SEC22A: variants seen among roughly 807,000 people sequenced by gnomAD.
SEC22A encodes SEC22 homolog A, vesicle trafficking protein.
SEC22A carries 22 observed loss-of-function variants against 35.3 expected under a neutral mutation model. The ratio of observed to expected loss-of-function variants is 0.62; its 90% CI spans 0.45 to 0.89. SEC22A has a LOEUF of 0.89. SEC22A is among the 40% of genes least tolerant of loss of function. The probability of loss-of-function intolerance (pLI) is 0.00; values close to 1 mark genes in which losing one functional copy is unlikely to be tolerated. For synonymous variants in SEC22A, 119 were observed against 129.5 expected, an observed-to-expected ratio of 0.92 and a Z score of 0.55; for missense variants, 354 against 362.5, an observed-to-expected ratio of 0.98 and a Z score of 0.19.
At chr3:123,241,489 G>A (rs769111102) in intron 4 of SEC22A, among the ~76,000 whole-genome samples, 6 of 152,070 alleles carry the variant, frequency 3.9e-5, no homozygotes, top group Non-Finnish European at 7.4e-5. Context: ...ATCGTCATAA[G>A]GACTATTCTG....
At chr3:123,265,769 G>T (rs986992936) in intron 6 of SEC22A, among the ~76,000 whole-genome samples, 1 of 152,024 alleles carries the variant, frequency 6.6e-6, no homozygotes, top group African/African-American at 2.4e-5. Context: ...TGTCTATATT[G>T]CTCCAGCACC....
At chr3:123,203,161 G>A (rs987775908) in intron 1 of SEC22A, among the ~76,000 whole-genome samples, 2 of 144,626 alleles carry the variant, frequency 1.4e-5, no homozygotes, top group Non-Finnish European at 3.0e-5. Context: ...TCACAGGGGT[G>A]CCTGTGACCT....
intron 5 of SEC22A, among the ~76,000 whole-genome samples, chr3:123,255,773 G>A (rs569692301): frequency 3.9e-5 from 6 of 152,058 alleles, no homozygotes; most frequent in East Asian, 1.9e-4. Flanking sequence ...TTTAGTGGCC[G>A]CATGACTTTT....
chr3:123,233,711 G>A (rs1937362219), intron 4 of SEC22A, among the ~76,000 whole-genome samples: 2 of 151,442 alleles, frequency 1.3e-5, no homozygotes, highest in Non-Finnish European at 1.5e-5. Context: ...CTTGATAAAA[G>A]TCCCTTATGG....
intron 5 of SEC22A, among the ~76,000 whole-genome samples, chr3:123,256,322 A>G (rs1257667802): frequency 3.9e-5 from 6 of 152,262 alleles, no homozygotes; most frequent in Admixed American, 6.5e-5. Flanking sequence ...ATGTCCCACT[A>G]GCAGCTCTAG....
intron 5 of SEC22A, among the ~76,000 whole-genome samples, chr3:123,254,750 A>G (rs1007877641): frequency 2.0e-5 from 3 of 151,322 alleles, no homozygotes; most frequent in African/African-American, 7.3e-5. Flanking sequence ...TTTTTTTATT[A>G]TACTTCAAGT....
intron 2 of SEC22A, among the ~76,000 whole-genome samples, chr3:123,221,971 C>T (rs1937131197): frequency 6.6e-6 from 1 of 151,992 alleles, no homozygotes; most frequent in Non-Finnish European, 1.5e-5. Flanking sequence ...TTCATAACTA[C>T]TTCAGAGTAT....
chr3:123,249,205 G>T (rs1420349066), intron 5 of SEC22A, among the ~76,000 whole-genome samples: 1 of 152,178 alleles, frequency 6.6e-6, no homozygotes, highest in African/African-American at 2.4e-5. Flanking sequence ...CATGGAGTTG[G>T]AGTTTGTCAC....
intron 1 of SEC22A, chr3:123,204,885 C>T (rs960923086): frequency 1.3e-5 from 2 of 152,156 alleles, no homozygotes; most frequent in Non-Finnish European, 2.9e-5. Flanking sequence ...CTAAATCTTC[C>T]CATGCAATTG....
chr3:123,235,125 TCAAA>T (rs1304503574), intron 4 of SEC22A, among the ~76,000 whole-genome samples: 1 of 152,066 alleles, frequency 6.6e-6, no homozygotes, highest in Non-Finnish European at 1.5e-5. Context: ...ACTCGTCGGC[TCAAA>T]CAATCCTCCC....
At chr3:123,217,335 C>G (rs1208321271) in intron 2 of SEC22A, among the ~76,000 whole-genome samples, 1 of 151,828 alleles carries the variant, frequency 6.6e-6, no homozygotes, top group East Asian at 1.9e-4. Context: ...GTGGCTGGGA[C>G]TACAGGTGCC....
At chr3:123,234,037 T>C (rs1035186347) in intron 4 of SEC22A, among the ~76,000 whole-genome samples, 6 of 152,190 alleles carry the variant, frequency 3.9e-5, no homozygotes, top group Non-Finnish European at 8.8e-5. Flanking sequence ...TAAAAAACAA[T>C]TGTATTCTAT....
intron 6 of SEC22A, among the ~76,000 whole-genome samples, chr3:123,269,887 C>T (rs1019356590): frequency 2.6e-5 from 4 of 151,960 alleles, no homozygotes; most frequent in African/African-American, 9.7e-5. Context: ...CTGCCTGGGC[C>T]TCCCAAAGTG....
chr3:123,259,291 T>C (rs1306244607), intron 5 of SEC22A, among the ~76,000 whole-genome samples: 1 of 152,192 alleles, frequency 6.6e-6, no homozygotes, highest in Non-Finnish European at 1.5e-5. Context: ...TTGAGTGGAA[T>C]GAAATTGATG....
intron 4 of SEC22A, among the ~76,000 whole-genome samples, chr3:123,236,010 C>T (rs1351295683): frequency 6.6e-6 from 1 of 152,028 alleles, no homozygotes; most frequent in Non-Finnish European, 1.5e-5. Context: ...TCCAGAGAGA[C>T]AGGAAGTAGA....
chr3:123,219,856 T>A (rs145560244), intron 2 of SEC22A, among the ~76,000 whole-genome samples: 200 of 152,286 alleles, frequency 1.3e-3, no homozygotes, highest in African/African-American at 4.6e-3. Context: ...TTTCAATCTG[T>A]CCCATGATTG....
intron 6 of SEC22A, among the ~76,000 whole-genome samples, chr3:123,265,597 G>A (rs1388429150): frequency 1.4e-5 from 2 of 144,524 alleles, no homozygotes; most frequent in African/African-American, 5.1e-5. Flanking sequence ...TATGGGTCAT[G>A]CTTGTGGTGG....
At position 123,271,814 on chromosome 3, in the gene SEC22A, A is replaced by T; in HGVS notation, c.*92A>T. ...GTGATGAAGAAGCTGTTCCCCACAG[A>T]GGAGAAGCTCTGCTTTCTTTCTCTC... On this transcript the variant is annotated 3_prime_UTR_variant, in exon 7 of 7. Transcript: ENST00000492595. 6 of 1,050,492 alleles carry T rather than the reference A, an allele frequency of 5.7e-6. No homozygotes were observed. The highest frequency in any genetic ancestry group is 8.4e-6 in the Non-Finnish European group (6 of 714,396). The allele number at this position is 1,050,492 out of a possible 1,614,324, so 65.1% of individuals were successfully genotyped here. A position where few individuals can be genotyped will look rare whatever the true frequency, so the allele number is the denominator to read the frequency against.
chr3:123,237,832 G>A (rs920958043), intron 4 of SEC22A, among the ~76,000 whole-genome samples: 2 of 151,374 alleles, frequency 1.3e-5, no homozygotes, highest in Admixed American at 1.3e-4. Flanking sequence ...TTGGAAAATG[G>A]GGAGAGTCTG....
Sources: gnomAD v4.1 joint callset for allele counts (sites outside exome capture counted in the v4.1 genomes callset) on GRCh38, gnomAD v4.1.1 for gene constraint, MANE v1.5 for transcripts, NCBI Gene and HGNC (gene_info 2026-07-23, HGNC 2026-07-21) for gene names.